Variants in DAAM1 observed in about 807,000 individuals in gnomAD.
DAAM1 encodes dishevelled associated activator of morphogenesis 1.
A neutral mutation model predicts 130.0 loss-of-function variants in DAAM1; 52 were observed. That is an observed-to-expected ratio of 0.40 (90% CI 0.32 to 0.50). DAAM1 has a LOEUF of 0.50. Ranked by LOEUF, DAAM1 falls within the 20% of genes least tolerant of loss-of-function variation. The pLI, the probability that DAAM1 is intolerant of heterozygous loss-of-function variation, is 0.61. For synonymous variants in DAAM1, 452 were observed against 444.5 expected, an observed-to-expected ratio of 1.02 and a Z score of -0.21; for missense variants, 1,134 against 1,303.8, an observed-to-expected ratio of 0.87 and a Z score of 2.01.
intron 1 of DAAM1, among the ~76,000 whole-genome samples, chr14:59,236,660 A>G (rs1303885093): frequency 6.6e-6 from 1 of 152,114 alleles, no homozygotes; most frequent in Non-Finnish European, 1.5e-5. Context: ...ATCTGAAATT[A>G]GAGTGATTAT....
rs150358433 is a variant in DAAM1 at position 59,193,291 on chromosome 14, T to G, written c.-38+4523T>G. On this transcript the variant is annotated intron_variant, in intron 1 of 24. Transcript: ENST00000360909. ...TATTATTTAGAGTGGCTGAGGCTGC[T>G]GATAGAGACCAGCGTTGAAGTGTGG... Among the ~76,000 whole-genome samples the G allele has an allele frequency of 5.3e-5, 8 of 152,332 alleles. No individual in the cohort carries two copies. The East Asian group carries it at 1.5e-3, about 29-fold the overall frequency.
At chr14:59,285,657 A>G (rs1049979099) in intron 2 of DAAM1, among the ~76,000 whole-genome samples, 2 of 152,212 alleles carry the variant, frequency 1.3e-5, no homozygotes, top group African/African-American at 2.4e-5. Context: ...TAAACCAACA[A>G]TGATCAAAAA....
intron 2 of DAAM1, among the ~76,000 whole-genome samples, chr14:59,276,045 G>T (rs1594794358): frequency 6.6e-6 from 1 of 152,232 alleles, no homozygotes; most frequent in African/African-American, 2.4e-5. Context: ...TTGGGAGCAG[G>T]TAATAATTCA....
At chr14:59,207,495 A>G in intron 1 of DAAM1, among the ~76,000 whole-genome samples, 1 of 152,218 alleles carries the variant, frequency 6.6e-6, no homozygotes. Context: ...TAGAATTAAG[A>G]AGCTTTAAAA....
At chr14:59,254,000 CT>C in intron 1 of DAAM1, among the ~76,000 whole-genome samples, 1 of 152,156 alleles carries the variant, frequency 6.6e-6, no homozygotes, top group Non-Finnish European at 1.5e-5. Context: ...TAATATATTT[CT>C]TTTTTAAACA....
chr14:59,270,467 TAATC>T (rs1882661598), intron 2 of DAAM1, among the ~76,000 whole-genome samples: 1 of 152,100 alleles, frequency 6.6e-6, no homozygotes, highest in Non-Finnish European at 1.5e-5. Context: ...GGGAGGAAAT[TAATC>T]TATTCATGAG....
chr14:59,331,301 C>T lies in DAAM1; in HGVS notation c.1653C>T (p.Pro551=). The T allele has an allele frequency of 6.2e-7, 1 of 1,612,214 alleles. No individual in the cohort carries two copies. Among genetic ancestry groups the T allele is most frequent in the Non-Finnish European group, 8.5e-7 (1 of 1,179,798 alleles). The stretch of plus-strand genomic sequence containing the variant: ...CTGTGCCTGGATCTCTCCTTCCTCC[C>T]CCACCACCCCCACCTCTACCAGGTG... ...PSSVPGSLLP[P]PPPPPLPGGM... The change falls in exon 14 of 25, where the codon CCC becomes CCT. Residue 551 remains proline (P), a synonymous_variant. Transcript: ENST00000360909.
chr14:59,234,375 T>C (rs1305825610), intron 1 of DAAM1, among the ~76,000 whole-genome samples: 1 of 152,226 alleles, frequency 6.6e-6, no homozygotes, highest in Non-Finnish European at 1.5e-5. Context: ...CTAGGTATTT[T>C]ATTCTCTTTG....
intron 21 of DAAM1, 39 bp from the exon 22 acceptor site, chr14:59,360,762 AG>A (rs1219656279): frequency 6.4e-7 from 1 of 1,569,752 alleles, no homozygotes; most frequent in African/African-American, 1.4e-5. Context: ...AATATGTGTA[AG>A]TCACATGTTG....
At chr14:59,368,629 G>GTTA in intron 24 of DAAM1, 21 bp from the exon 25 acceptor site, 1 of 1,604,900 alleles carries the variant, frequency 6.2e-7, no homozygotes, top group South Asian at 1.1e-5. Flanking sequence ...TCTCAAAGAG[G>GTTA]TTATTTCTTT....
At chr14:59,216,521 GA>G (rs1888585055) in intron 1 of DAAM1, among the ~76,000 whole-genome samples, 1 of 152,188 alleles carries the variant, frequency 6.6e-6, no homozygotes, top group South Asian at 2.1e-4. Flanking sequence ...AGGAGTTCGA[GA>G]CCAGCCTGGC....
chr14:59,201,170 A>T (rs1215220924), intron 1 of DAAM1, among the ~76,000 whole-genome samples: 1 of 150,434 alleles, frequency 6.6e-6, no homozygotes, highest in African/African-American at 2.4e-5. Flanking sequence ...CAAAAAAAAA[A>T]AAAAAAAAAA....
chr14:59,263,314 C>T (rs1368491278), intron 1 of DAAM1, 127 bp from the exon 2 acceptor site: 2 of 731,092 alleles, frequency 2.7e-6, no homozygotes, highest in African/African-American at 1.8e-5. Flanking sequence ...GTGTTGTTCT[C>T]TCTGTGCCCT....
chr14:59,326,058 C>T lies in DAAM1; in HGVS notation c.1155C>T (p.His385=). 6.2e-7 allele frequency: 1 copy of T among 1,614,134 alleles called. No homozygotes were observed. The highest frequency in any genetic ancestry group is 8.5e-7 in the Non-Finnish European group (1 of 1,179,994). Residue 385 remains histidine, a synonymous_variant, in exon 10 of 25, where the codon CAC becomes CAT. Coordinates refer to ENST00000360909, the MANE Select transcript of DAAM1 (RefSeq NM_001270520.2). ...EAYPHFMSIL[H]HCLQMPYKRS... is the part of the protein sequence containing the mutation. ...ACCCGCATTTCATGTCCATCCTGCACCACTGCCTCCAAATGCCTTGTAAGT... is the reference window on the plus strand; with the variant it reads ...ACCCGCATTTCATGTCCATCCTGCATCACTGCCTCCAAATGCCTTGTAAGT...
intron 17 of DAAM1, among the ~76,000 whole-genome samples, chr14:59,349,416 G>A (rs192985150): frequency 4.9e-4 from 75 of 152,364 alleles, no homozygotes; most frequent in East Asian, 7.7e-4. Context: ...TACTGAAGCA[G>A]AATCTGGACA....
At chr14:59,343,966 A>G (rs1157620873) in intron 16 of DAAM1, among the ~76,000 whole-genome samples, 1 of 152,186 alleles carries the variant, frequency 6.6e-6, no homozygotes, top group Non-Finnish European at 1.5e-5. Context: ...CAACTTTTCT[A>G]CTGGTATGTG....
At chr14:59,271,346 G>A (rs531127078) in intron 2 of DAAM1, among the ~76,000 whole-genome samples, 45 of 152,066 alleles carry the variant, frequency 3.0e-4, no homozygotes, top group African/African-American at 1.1e-3. Context: ...GGTGGATACT[G>A]TAGGATGATA....
chr14:59,275,238 C>G (rs1566679611), intron 2 of DAAM1, among the ~76,000 whole-genome samples: 1 of 152,114 alleles, frequency 6.6e-6, no homozygotes, highest in Admixed American at 6.5e-5. Context: ...GGAAAACATG[C>G]TTAGAAATTC....
intron 18 of DAAM1, 44 bp from the exon 19 acceptor site, chr14:59,353,832 G>A (rs1477012389): frequency 3.2e-6 from 5 of 1,584,282 alleles, no homozygotes; most frequent in South Asian, 1.1e-5. Flanking sequence ...AGTGAACCTA[G>A]ATATATTAAA....
Sources: gnomAD v4.1 joint callset for allele counts (sites outside exome capture counted in the v4.1 genomes callset) on GRCh38, gnomAD v4.1.1 for gene constraint, MANE v1.5 for transcripts, NCBI Gene and HGNC (gene_info 2026-07-23, HGNC 2026-07-21) for gene names.